The following DKK2 variants were observed in gnomAD, a reference collection of about 807,000 sequenced individuals.
The protein encoded by DKK2 is dickkopf-related protein 2.
A neutral mutation model predicts 28.1 loss-of-function variants in DKK2; 11 were observed. The ratio of observed to expected loss-of-function variants is 0.39; its 90% CI spans 0.25 to 0.65. The LOEUF is 0.65. Among genes scored for constraint, DKK2 ranks in the 30% least tolerant of loss-of-function variants. The probability of loss-of-function intolerance (pLI) is 0.47; values close to 1 mark genes in which losing one functional copy is unlikely to be tolerated. For missense variants in DKK2, 326 were observed against 335.5 expected, an observed-to-expected ratio of 0.97 and a Z score of 0.22; for synonymous variants, 135 against 126.5, an observed-to-expected ratio of 1.07 and a Z score of -0.45.
At chr4:106,987,866 C>CTTT (rs397994875) in intron 1 of DKK2, among the ~76,000 whole-genome samples, 23 of 137,924 alleles carry the variant, frequency 1.7e-4, no homozygotes, top group African/African-American at 4.2e-4. Flanking sequence ...TTACTCTCTT[C>CTTT]TTTTTTTTTT....
intron 1 of DKK2, 131 bp from the exon 2 acceptor site, chr4:106,926,080 A>C: frequency 1.0e-6 from 1 of 996,424 alleles, no homozygotes; most frequent in Non-Finnish European, 1.4e-6. Flanking sequence ...TACCATCATC[A>C]TAATGTTCTG....
At chr4:106,933,694 T>C (rs1252500624) in intron 1 of DKK2, among the ~76,000 whole-genome samples, 1 of 152,222 alleles carries the variant, frequency 6.6e-6, no homozygotes, top group South Asian at 2.1e-4. Context: ...TGTCTGCTTT[T>C]ATTATATGCT....
intron 1 of DKK2, among the ~76,000 whole-genome samples, chr4:106,950,103 A>G (rs1724836910): frequency 6.6e-6 from 1 of 152,208 alleles, no homozygotes; most frequent in Non-Finnish European, 1.5e-5. Flanking sequence ...CTCAGTAGAT[A>G]CATATGTTTT....
chr4:106,928,022 C>T (rs1724447956), intron 1 of DKK2, among the ~76,000 whole-genome samples: 1 of 152,216 alleles, frequency 6.6e-6, no homozygotes, highest in South Asian at 2.1e-4. Context: ...TATTTATTAG[C>T]TGTTATTGAT....
intron 1 of DKK2, among the ~76,000 whole-genome samples, chr4:107,003,683 T>C (rs1262878547): frequency 6.6e-6 from 1 of 152,256 alleles, no homozygotes; most frequent in African/African-American, 2.4e-5. Flanking sequence ...GCAGATTCTT[T>C]TCCTACTGAG....
At chr4:106,968,690 A>G (rs2110353340) in intron 1 of DKK2, among the ~76,000 whole-genome samples, 1 of 152,284 alleles carries the variant, frequency 6.6e-6, no homozygotes, top group South Asian at 2.1e-4. Flanking sequence ...GCACTGCATA[A>G]TGAAGTAATT....
intron 1 of DKK2, among the ~76,000 whole-genome samples, chr4:106,932,089 A>G (rs1724511701): frequency 6.6e-6 from 1 of 152,118 alleles, no homozygotes; most frequent in Admixed American, 6.5e-5. Context: ...GAAGTTGAGG[A>G]TCTGGACATT....
chr4:106,945,828 T>A (rs773510436), intron 1 of DKK2, among the ~76,000 whole-genome samples: 3 of 152,126 alleles, frequency 2.0e-5, no homozygotes, highest in Non-Finnish European at 4.4e-5. Flanking sequence ...GGAATTTGGG[T>A]GCATAACCTG....
intron 1 of DKK2, among the ~76,000 whole-genome samples, chr4:106,939,941 C>G (rs1439697568): frequency 1.3e-5 from 2 of 152,106 alleles, no homozygotes; most frequent in South Asian, 2.1e-4. Flanking sequence ...TTCCTTATAC[C>G]TTATACAAAA....
intron 1 of DKK2, among the ~76,000 whole-genome samples, chr4:106,983,053 A>T (rs1271440076): frequency 6.6e-6 from 1 of 151,516 alleles, no homozygotes; most frequent in Non-Finnish European, 1.5e-5. Flanking sequence ...AAAGAAAGAA[A>T]GAGAAAAGAA....
At chr4:107,013,099 A>G (rs1043735185) in intron 1 of DKK2, among the ~76,000 whole-genome samples, 4 of 151,032 alleles carry the variant, frequency 2.6e-5, no homozygotes, top group African/African-American at 4.8e-5. Context: ...CAAAATTACC[A>G]CTATCCTTCA....
At chr4:107,016,379 G>A (rs936567514) in intron 1 of DKK2, among the ~76,000 whole-genome samples, 1 of 151,802 alleles carries the variant, frequency 6.6e-6, no homozygotes, top group Admixed American at 6.6e-5. Context: ...TGACAGATTT[G>A]ATTATTTAAT....
At chr4:107,015,635 T>A (rs1392493091) in intron 1 of DKK2, among the ~76,000 whole-genome samples, 1 of 151,752 alleles carries the variant, frequency 6.6e-6, no homozygotes, top group Non-Finnish European at 1.5e-5. Flanking sequence ...TACCACTTTT[T>A]CCCACATTGT....
In DKK2 at chr4:106,992,373, T is replaced by C. The variant is rs114074791; in HGVS notation, c.222+42997A>G. Among the ~76,000 whole-genome samples, 197 of 152,308 alleles carry C rather than the reference T, an allele frequency of 1.3e-3. 2 individuals carry two copies. The highest frequency in any genetic ancestry group is 4.6e-3 in the African/African-American group (193 of 41,578). The stretch of plus-strand genomic sequence containing the variant: ...TCTCACCCAAGTCCATCTTCTCCAG[T>C]GTGGTCTCTGGAATAGGAACACTTC... On this transcript the variant is annotated intron_variant, in intron 1 of 3. Transcript: ENST00000285311.
chr4:107,020,299 T>G (rs1723671758), intron 1 of DKK2, among the ~76,000 whole-genome samples: 1 of 152,102 alleles, frequency 6.6e-6, no homozygotes, highest in Admixed American at 6.6e-5. Flanking sequence ...GCATTGCAGA[T>G]GCTGTGTCCA....
Position 107,035,607 on chromosome 4 carries a change from TC to T in DKK2, c.-17del. ...ACGCGGCCATCTCCCGGCGAGGGGGTCCCCAGGAAGACGCAAAGCCCGGAGG... is the reference window on the plus strand; with the variant it reads ...ACGCGGCCATCTCCCGGCGAGGGGGTCCCAGGAAGACGCAAAGCCCGGAGG... On this transcript the variant is annotated 5_prime_UTR_variant, in exon 1 of 4. Coordinates refer to ENST00000285311, the MANE Select transcript of DKK2 (RefSeq NM_014421.3). 2 of 1,612,048 alleles carry T rather than the reference TC, an allele frequency of 1.2e-6. No homozygotes were observed. Among genetic ancestry groups the T allele is most frequent in the Admixed American group, 1.7e-5 (1 of 59,982 alleles).
At chr4:106,993,138 A>C (rs1406959727) in intron 1 of DKK2, among the ~76,000 whole-genome samples, 3 of 152,222 alleles carry the variant, frequency 2.0e-5, no homozygotes, top group Non-Finnish European at 4.4e-5. Flanking sequence ...AAACAGCATA[A>C]AATAACTGTT....
At chr4:107,004,294 T>C (rs1723405341) in intron 1 of DKK2, among the ~76,000 whole-genome samples, 1 of 152,214 alleles carries the variant, frequency 6.6e-6, no homozygotes, top group African/African-American at 2.4e-5. Flanking sequence ...CTGTATCTGG[T>C]GCTCAGTCCA....
At chr4:107,029,790 A>G (rs1172971712) in intron 1 of DKK2, among the ~76,000 whole-genome samples, 1 of 152,064 alleles carries the variant, frequency 6.6e-6, no homozygotes, top group Non-Finnish European at 1.5e-5. Flanking sequence ...GATTTTTTAA[A>G]ATTGTAGATT....
Sources: gnomAD v4.1 joint callset for allele counts (sites outside exome capture counted in the v4.1 genomes callset) on GRCh38, gnomAD v4.1.1 for gene constraint, MANE v1.5 for transcripts, NCBI Gene and HGNC (gene_info 2026-07-23, HGNC 2026-07-21) for gene names.